MAGI3: variants seen among roughly 807,000 people sequenced by gnomAD.
The protein encoded by MAGI3 is membrane associated guanylate kinase, WW and PDZ domain containing 3.
MAGI3 carries 43 observed loss-of-function variants against 121.8 expected under a neutral mutation model. The observed-to-expected ratio is 0.35, with a 90% CI of 0.28 to 0.46. The LOEUF is 0.46. MAGI3 is among the 20% of genes least tolerant of loss of function. MAGI3 has a pLI of 1.00. For synonymous variants in MAGI3, 553 were observed against 639.3 expected (o/e 0.86, Z 2.04); for missense variants, 1,547 against 1,797.3 (o/e 0.86, Z 2.52).
rs370138969 is a variant in MAGI3, at chr1:113,640,896, A to AAT, written c.1361-1004_1361-1003dup. On this transcript the variant is annotated intron_variant, in intron 9 of 20. Coordinates refer to ENST00000307546, the MANE Select transcript of MAGI3 (RefSeq NM_001142782.2). ...ATCCTGGAACTTAAAGTAAAATTTAAATATATATATATTTATATATGATAT... is the reference window on the plus strand; with the variant it reads ...ATCCTGGAACTTAAAGTAAAATTTAAATATATATATATATTTATATATGATAT... Among the ~76,000 whole-genome samples, 182 of 140,188 alleles carry AAT rather than the reference A, an allele frequency of 1.3e-3. No individual in the cohort carries two copies. In the Middle Eastern group the frequency reaches 0.029, roughly 22 times the overall value. The allele number at this position is 140,188 out of a possible 152,430, so 92.0% of individuals were successfully genotyped here. A position where few individuals can be genotyped will look rare whatever the true frequency, so the allele number is the denominator to read the frequency against.
intron 7 of MAGI3, among the ~76,000 whole-genome samples, chr1:113,615,036 CTTTA>C (rs919874174): frequency 1.3e-5 from 2 of 152,102 alleles, no homozygotes; most frequent in Non-Finnish European, 2.9e-5. Context: ...AGTGGAAGAT[CTTTA>C]GGGCATTATA....
chr1:113,579,024 T>C (rs1647844068), intron 2 of MAGI3, among the ~76,000 whole-genome samples: 2 of 152,118 alleles, frequency 1.3e-5, no homozygotes, highest in Non-Finnish European at 2.9e-5. Context: ...GTAGGAGCAA[T>C]TAAGAGTTTC....
chr1:113,583,896 T>G (rs931116746), intron 3 of MAGI3, among the ~76,000 whole-genome samples: 2 of 152,162 alleles, frequency 1.3e-5, no homozygotes, highest in African/African-American at 4.8e-5. Context: ...TTAGTTTCAT[T>G]TTATTGTTTT....
chr1:113,541,943 C>T (rs1247815680), intron 1 of MAGI3, among the ~76,000 whole-genome samples: 1 of 152,190 alleles, frequency 6.6e-6, no homozygotes, highest in African/African-American at 2.4e-5. Flanking sequence ...TAAGTGCTGT[C>T]GCATGTCTTG....
chr1:113,451,895 T>G (rs1444762810), intron 1 of MAGI3, among the ~76,000 whole-genome samples: 4 of 152,186 alleles, frequency 2.6e-5, no homozygotes, highest in African/African-American at 9.6e-5. Flanking sequence ...CCACCTTCCA[T>G]TGGCAATCAC....
chr1:113,415,782 A>C (rs761548472), intron 1 of MAGI3, among the ~76,000 whole-genome samples: 17 of 151,960 alleles, frequency 1.1e-4, no homozygotes, highest in Non-Finnish European at 1.9e-4. Flanking sequence ...AAGCTTCAAA[A>C]GTTTTAGTAT....
chr1:113,401,587 T>C (rs1454933641), intron 1 of MAGI3, among the ~76,000 whole-genome samples: 1 of 152,188 alleles, frequency 6.6e-6, no homozygotes, highest in African/African-American at 2.4e-5. Context: ...ATAAATATAC[T>C]TGGGAAAATT....
chr1:113,390,894 G>A lies in MAGI3; in HGVS notation c.-140G>A. ...ACGGCCGGGCCCCCAGCGGGCTGTG[G>A]TCGCGGGGTGGGGGCCGGAGCGGCG... On this transcript the variant is annotated 5_prime_UTR_variant, in exon 1 of 21. Coordinates refer to ENST00000307546, the MANE Select transcript of MAGI3 (RefSeq NM_001142782.2). The A allele has an allele frequency of 2.0e-6, 1 of 490,036 alleles. No individual in the cohort carries two copies. Among genetic ancestry groups the A allele is most frequent in the Non-Finnish European group, 3.0e-6 (1 of 332,978 alleles). The allele number at this position is 490,036 out of a possible 1,614,324, so 30.4% of individuals were successfully genotyped here. A position where few individuals can be genotyped will look rare whatever the true frequency, so the allele number is the denominator to read the frequency against.
At chr1:113,416,817 A>G (rs751484670) in intron 1 of MAGI3, among the ~76,000 whole-genome samples, 2 of 151,836 alleles carry the variant, frequency 1.3e-5, no homozygotes, top group African/African-American at 2.4e-5. Context: ...CAAATTCAGA[A>G]TGGAATGCTT....
intron 9 of MAGI3, among the ~76,000 whole-genome samples, chr1:113,637,614 G>C (rs552451568): frequency 6.6e-6 from 1 of 151,920 alleles, no homozygotes; most frequent in East Asian, 1.9e-4. Flanking sequence ...TAGTCTGATG[G>C]GCTTCCCTTT....
chr1:113,544,541 C>A (rs1202957519), intron 1 of MAGI3, among the ~76,000 whole-genome samples: 6 of 152,140 alleles, frequency 3.9e-5, no homozygotes, highest in African/African-American at 1.4e-4. Flanking sequence ...ACAAAATGCC[C>A]TGAACAGCTC....
At chr1:113,405,295 C>T (rs1174392626) in intron 1 of MAGI3, among the ~76,000 whole-genome samples, 3 of 151,428 alleles carry the variant, frequency 2.0e-5, no homozygotes, top group Non-Finnish European at 2.9e-5. Context: ...GGCTACATGG[C>T]GGAACCCCAT....
chr1:113,685,860 G>A lies in MAGI3; in HGVS notation c.*1846G>A, dbSNP rs866525651. ...CAGTACCTTTATATATACACTTGAG[G>A]TTCTGATTAGAGAAAGATCTGTAAA... On this transcript the variant is annotated 3_prime_UTR_variant, in exon 21 of 21. Transcript: ENST00000307546. The A allele has an allele frequency of 1.3e-5, 2 of 152,176 alleles. No individual in the cohort carries two copies. Among genetic ancestry groups the A allele is most frequent in the South Asian group, 4.1e-4 (2 of 4,828 alleles). 9.4% of individuals were successfully genotyped at this position (152,176 alleles called of 1,614,324 possible).
intron 6 of MAGI3, among the ~76,000 whole-genome samples, chr1:113,599,247 C>CA (rs1219863659): frequency 6.6e-6 from 1 of 151,752 alleles, no homozygotes; most frequent in Non-Finnish European, 1.5e-5. Flanking sequence ...AATAGAGACA[C>CA]AAAAAACCCT....
intron 9 of MAGI3, among the ~76,000 whole-genome samples, chr1:113,639,784 T>C (rs1452907827): frequency 1.3e-5 from 2 of 152,092 alleles, no homozygotes; most frequent in African/African-American, 4.8e-5. Context: ...GCCAGGCTGG[T>C]CTTGAACTCC....
chr1:113,434,621 AT>A (rs965443792), intron 1 of MAGI3, among the ~76,000 whole-genome samples: 1 of 152,234 alleles, frequency 6.6e-6, no homozygotes, highest in African/African-American at 2.4e-5. Context: ...GTGCCTCTCT[AT>A]GTTTTATAAC....
chr1:113,628,869 T>C (rs1187473841), intron 9 of MAGI3, among the ~76,000 whole-genome samples: 1 of 152,180 alleles, frequency 6.6e-6, no homozygotes. Flanking sequence ...CTTTGGGAGT[T>C]TGATTTTTAA....
intron 1 of MAGI3, among the ~76,000 whole-genome samples, chr1:113,480,606 G>A (rs1386745193): frequency 6.6e-6 from 1 of 152,184 alleles, no homozygotes; most frequent in Non-Finnish European, 1.5e-5. Flanking sequence ...CATACAAAGG[G>A]TATTTCTCTT....
At chr1:113,559,567 C>CTTTTTTTTTT in intron 2 of MAGI3, among the ~76,000 whole-genome samples, 1 of 150,598 alleles carries the variant, frequency 6.6e-6, no homozygotes, top group African/African-American at 2.4e-5. Flanking sequence ...CATAAAGTTC[C>CTTTTTTTTTT]TTTTTTTTGT....
Sources: allele counts gnomAD v4.1 joint callset (sites outside exome capture counted in the v4.1 genomes callset), GRCh38; gene constraint gnomAD v4.1.1; transcripts MANE v1.5; gene names NCBI Gene and HGNC (gene_info 2026-07-23, HGNC 2026-07-21).